Variants in NOTCH2 observed in about 807,000 individuals in gnomAD.
NOTCH2 encodes notch receptor 2.
NOTCH2 carries 29 observed loss-of-function variants against 235.8 expected under a neutral mutation model. That is an observed-to-expected ratio of 0.12 (90% CI 0.09 to 0.17). The LOEUF is 0.17. Among genes scored for constraint, NOTCH2 ranks in the 10% least tolerant of loss-of-function variants. The pLI is 1.00. For missense variants in NOTCH2, 2,285 were observed against 3,150.2 expected (o/e 0.73, Z 6.57); for synonymous variants, 1,086 against 1,141.5 (o/e 0.95, Z 0.98).
At chr1:119,958,714 ATGTG>A (rs10546889) in intron 12 of NOTCH2, among the ~76,000 whole-genome samples, 27,111 of 149,780 alleles carry the variant, frequency 0.18, 3,487 homozygotes, top group African/African-American at 0.36. Flanking sequence ...GAGAGAGAAG[ATGTG>A]TGTGTGTGTG....
intron 25 of NOTCH2, 141 bp downstream of exon 25, chr1:119,925,164 T>G (rs1472038764): frequency 1.0e-6 from 1 of 989,576 alleles, no homozygotes; most frequent in African/African-American, 1.6e-5. Context: ...CACAGGGCAG[T>G]GTGCGATGGG....
At chr1:120,023,514 C>T (rs1553209393) in intron 2 of NOTCH2, among the ~76,000 whole-genome samples, 1 of 124,178 alleles carries the variant, frequency 8.1e-6, no homozygotes, top group Admixed American at 7.7e-5. Flanking sequence ...ACTCCACTCA[C>T]CAGTGCAGGC....
At chr1:119,996,766 C>A (rs1553204216) in intron 4 of NOTCH2, 7 of 923,242 alleles carry the variant, frequency 7.6e-6, no homozygotes, top group South Asian at 1.3e-5. Context: ...GGACAATAAA[C>A]AATTTTCTAG....
rs1650033132 is a variant in NOTCH2, at chr1:119,940,648, G to A, written c.3090C>T (p.Ser1030=). Residue 1030 remains serine, a synonymous_variant, in exon 19 of 34, where the codon AGC becomes AGT. Coordinates refer to ENST00000256646, the MANE Select transcript of NOTCH2 (RefSeq NM_024408.4). Reference sequence around the variant, plus strand: ...TTCCCTCATTCAGGCATGGATGAGAGCTGCATTCATTGATCTCATGGAGGC... The same window carrying A: ...TTCCCTCATTCAGGCATGGATGAGAACTGCATTCATTGATCTCATGGAGGC... The part of the protein sequence containing the change: ...SFCLHEINEC[S]SHPCLNEGTC... 1 of 1,614,078 alleles carries A rather than the reference G, an allele frequency of 6.2e-7. No individual in the cohort carries two copies. The highest frequency in any genetic ancestry group is 1.3e-5 in the African/African-American group (1 of 75,028).
intron 3 of NOTCH2, among the ~76,000 whole-genome samples, chr1:120,003,552 T>G (rs1652848474): frequency 6.6e-6 from 1 of 151,986 alleles, no homozygotes; most frequent in Admixed American, 6.6e-5. Context: ...CTTTTTTGCT[T>G]ATTGCATTTA....
intron 2 of NOTCH2, among the ~76,000 whole-genome samples, chr1:120,012,356 T>A (rs1416510623): frequency 7.0e-6 from 1 of 142,568 alleles, no homozygotes. Context: ...ATATGTGTAC[T>A]TTTTTAGAAG....
intron 5 of NOTCH2, among the ~76,000 whole-genome samples, chr1:119,979,607 A>G (rs1553201403): frequency 6.6e-6 from 1 of 152,230 alleles, no homozygotes; most frequent in African/African-American, 2.4e-5. Flanking sequence ...ATGTTAATGA[A>G]AATAAGGAAC....
rs1447240411 is a variant in NOTCH2, at chr1:119,915,781, C to G, written c.6941G>C (p.Ser2314Thr). The G allele has an allele frequency of 1.2e-6, 2 of 1,610,738 alleles. No homozygotes were observed. The highest frequency in any genetic ancestry group is 8.5e-7 in the Non-Finnish European group (1 of 1,177,554). ...IVTFQLIPKG[S>T]IAQPAGAPQP... Reference sequence around the variant, plus strand: ...GGGAGCCCCCGCTGGTTGGGCAATACTGCCTTTAGGGATGAGCTGGAAAGT... The same window carrying G: ...GGGAGCCCCCGCTGGTTGGGCAATAGTGCCTTTAGGGATGAGCTGGAAAGT... The change falls in exon 34 of 34, where the codon AGT becomes ACT. Residue 2314 changes from serine (S) to threonine (T), a missense_variant. This residue lies in a region of NOTCH2 where 504 missense variants were observed against 538.0 expected (regional missense o/e 0.94). Coordinates refer to ENST00000256646, the MANE Select transcript of NOTCH2 (RefSeq NM_024408.4).
In NOTCH2 at chr1:119,916,463, G is replaced by T. The variant is rs773101264; in HGVS notation, c.6259C>A (p.Pro2087Thr). The change falls in exon 34 of 34, where the codon CCC becomes ACC. Residue 2087 changes from proline (P) to threonine (T), a missense_variant. Coordinates refer to ENST00000256646, the MANE Select transcript of NOTCH2 (RefSeq NM_024408.4). ...TTCAGGCTGAGGAAAGATCTGTTGG[G>T]CCCACAGATGACAGGTGAGAGAGCA... ...TSALSPVICG[P>T]NRSFLSLKHT... 6.2e-7 allele frequency: 1 copy of T among 1,613,156 alleles called. No individual in the cohort carries two copies. Among genetic ancestry groups the T allele is most frequent in the Non-Finnish European group, 8.5e-7 (1 of 1,179,198 alleles).
At chr1:120,004,936 C>G (rs1262061167) in intron 3 of NOTCH2, among the ~76,000 whole-genome samples, 1 of 152,124 alleles carries the variant, frequency 6.6e-6, no homozygotes, top group Non-Finnish European at 1.5e-5. Flanking sequence ...CCACACATGA[C>G]TAATTTTGTT....
At chr1:120,015,689 GA>G (rs112101910) in intron 2 of NOTCH2, among the ~76,000 whole-genome samples, 5,508 of 147,736 alleles carry the variant, frequency 0.037, no homozygotes, top group East Asian at 0.12. Flanking sequence ...TGGCATTCAG[GA>G]GGCCTAACCC....
At position 119,966,509 on chromosome 1, in the gene NOTCH2, C is replaced by A. The variant is rs1432556794; in HGVS notation, c.1454-20G>T. On this transcript the variant is annotated intron_variant, in intron 8 of 33. Transcript: ENST00000256646. The stretch of plus-strand genomic sequence containing the variant: ...TGAAACCTAAACAAAACAGACCACA[C>A]AAGTGGCTTAAAGAGAGAGAAAGGT... 1 of 1,559,312 alleles carries A rather than the reference C, an allele frequency of 6.4e-7. No homozygotes were observed. Among genetic ancestry groups the A allele is most frequent in the Admixed American group, 1.7e-5 (1 of 59,936 alleles).
At position 119,916,016 on chromosome 1, in the gene NOTCH2, C is replaced by T. The variant is rs1248077115; in HGVS notation, c.6706G>A (p.Gly2236Ser). Residue 2236 changes from glycine to serine, a missense_variant, in exon 34 of 34, where the codon GGC becomes AGC. Around this residue, in one of 6 missense-constraint regions of NOTCH2, gnomAD observed 504 missense variants for 538.0 expected, o/e 0.94. Coordinates refer to ENST00000256646, the MANE Select transcript of NOTCH2 (RefSeq NM_024408.4). The part of the protein sequence containing the change: ...SHHHIVSPGS[G>S]SAGSLSRLHP... ...AGCCTACTCAAGCTTCCAGCACTGC[C>T]ACTGCCTGGAGACACAATGTGGTGG... 6.2e-7 allele frequency: 1 copy of T among 1,613,796 alleles called. No homozygotes were observed.
At chr1:119,938,056 G>C in intron 19 of NOTCH2, 46 bp from the exon 20 acceptor site, 6 of 1,591,922 alleles carry the variant, frequency 3.8e-6, no homozygotes, top group Non-Finnish European at 5.2e-6. Context: ...TCAAATACTA[G>C]AAATGAAGAA....
rs1353089971 is a variant in NOTCH2, at chr1:120,031,016, T to G, written c.74-1029A>C. 4.9e-4 allele frequency among the ~76,000 whole-genome samples: 71 copies of G among 145,648 alleles called. 1 individual carries two copies. Among genetic ancestry groups the G allele is most frequent in the Non-Finnish European group, 6.3e-4 (42 of 66,450 alleles). On this transcript the variant is annotated intron_variant, in intron 1 of 33. Transcript: ENST00000256646. ...AAATTGAAGCTCATGAACTCTTTCT[T>G]GGAAGTTATTAAGATGTCCATCTCT...
intron 1 of NOTCH2, among the ~76,000 whole-genome samples, chr1:120,037,920 T>A (rs1654377389): frequency 6.6e-6 from 1 of 152,082 alleles, no homozygotes; most frequent in African/African-American, 2.4e-5. Context: ...TATAAATGAA[T>A]ATTTTTTGTA....
At chr1:119,962,265 G>C (rs375764992) in intron 11 of NOTCH2, among the ~76,000 whole-genome samples, 1 of 152,130 alleles carries the variant, frequency 6.6e-6, no homozygotes, top group South Asian at 2.1e-4. Flanking sequence ...TTTCCAGTAT[G>C]TTTATTATGA....
intron 11 of NOTCH2, 70 bp from the exon 12 acceptor site, chr1:119,959,572 G>A: frequency 1.2e-6 from 1 of 855,588 alleles, no homozygotes; most frequent in South Asian, 1.3e-5. Context: ...TGCTTGTGAT[G>A]CAGCAACGTG....
At chr1:119,929,648 A>G (rs931319061) in intron 22 of NOTCH2, among the ~76,000 whole-genome samples, 2 of 152,270 alleles carry the variant, frequency 1.3e-5, no homozygotes, top group Non-Finnish European at 2.9e-5. Flanking sequence ...GGCAGCACAT[A>G]CGACAGTGGT....
Sources: gnomAD v4.1 joint callset for allele counts (sites outside exome capture counted in the v4.1 genomes callset) on GRCh38, gnomAD v4.1.1 for gene constraint, gnomAD v4.1.1 regional missense constraint, MANE v1.5 for transcripts, NCBI Gene and HGNC (gene_info 2026-07-23, HGNC 2026-07-21) for gene names.